The following PRNP variants were observed in gnomAD, a reference collection of about 807,000 sequenced individuals.
The protein encoded by PRNP is major prion protein.
Under a neutral mutation model 21.3 loss-of-function variants are expected in PRNP, and 15 were observed. The ratio of observed to expected loss-of-function variants is 0.71; its 90% CI spans 0.47 to 1.09. The LOEUF (loss-of-function observed/expected upper bound fraction) is 1.09. PRNP is among the 50% of genes least tolerant of loss of function. The probability of loss-of-function intolerance (pLI) is 0.00; values close to 1 mark genes in which losing one functional copy is unlikely to be tolerated. For synonymous variants in PRNP, 121 were observed against 123.1 expected (o/e 0.98, Z 0.11); for missense variants, 285 against 340.9 (o/e 0.84, Z 1.29).
At chr20:4,694,543 T>G (rs1922045941) in intron 1 of PRNP, among the ~76,000 whole-genome samples, 1 of 152,218 alleles carries the variant, frequency 6.6e-6, no homozygotes, top group Non-Finnish European at 1.5e-5. Context: ...TATTTCCCCT[T>G]ATAGAGATAT....
intron 1 of PRNP, among the ~76,000 whole-genome samples, chr20:4,694,236 C>T (rs999604385): frequency 6.6e-6 from 1 of 150,938 alleles, no homozygotes; most frequent in South Asian, 2.1e-4. Flanking sequence ...CATGGTGGCT[C>T]ACACCTGTAA....
Position 4,699,192 on chromosome 20 carries a change from T to C in PRNP, c.-10-19T>C. On this transcript the variant is annotated intron_variant, in intron 1 of 1. Transcript: ENST00000379440. This position sits in a 1 kb window ranked among gnomAD's most constrained non-coding sequence, Gnocchi z 5.8. The stretch of plus-strand genomic sequence containing the variant: ...CAACATAAATATGGGACTCTGACGT[T>C]CTCCTCTTCATTTTGCAGAGCAGTC... 6.2e-7 allele frequency: 1 copy of C among 1,613,406 alleles called. No individual in the cohort carries two copies. Among genetic ancestry groups the C allele is most frequent in the East Asian group, 2.2e-5 (1 of 44,878 alleles).
In PRNP at chr20:4,699,507, A is replaced by C; in HGVS notation, c.287A>C (p.His96Pro). 1 of 1,613,870 alleles carries C rather than the reference A, an allele frequency of 6.2e-7. No homozygotes were observed. Among genetic ancestry groups the C allele is most frequent in the Non-Finnish European group, 8.5e-7 (1 of 1,179,872 alleles). ...GGGWGQGGGT[H>P]SQWNKPSKPK... ...GGCTGGGGTCAAGGAGGTGGCACCCACAGTCAGTGGAACAAGCCGAGTAAG... is the reference window on the plus strand; with the variant it reads ...GGCTGGGGTCAAGGAGGTGGCACCCCCAGTCAGTGGAACAAGCCGAGTAAG... The change falls in exon 2 of 2, where the codon CAC (histidine) becomes CCC (proline). Residue 96 changes from histidine to proline, a missense_variant. Transcript: ENST00000379440. This position sits in a 1 kb window ranked among gnomAD's most constrained non-coding sequence, Gnocchi z 5.8.
At chr20:4,687,054 G>A (rs1921492786) in intron 1 of PRNP, among the ~76,000 whole-genome samples, 1 of 152,048 alleles carries the variant, frequency 6.6e-6, no homozygotes, top group Non-Finnish European at 1.5e-5. Flanking sequence ...GGTGCTTGGG[G>A]GGATGGAGAG....
Position 4,700,033 on chromosome 20 carries a change from G to A in PRNP, c.*51G>A, listed in dbSNP as rs2122231599. The stretch of plus-strand genomic sequence containing the variant: ...TTTCTAATCTTTTTCCAGCTTGAGG[G>A]AGGCGGTATCCACCTGCAGCCCTTT... On this transcript the variant is annotated 3_prime_UTR_variant, in exon 2 of 2. Transcript: ENST00000379440. This position sits in a 1 kb window ranked among gnomAD's most constrained non-coding sequence, Gnocchi z 4.1. 2 of 1,558,266 alleles carry A rather than the reference G, an allele frequency of 1.3e-6. No individual in the cohort carries two copies. The highest frequency in any genetic ancestry group is 1.2e-5 in the South Asian group (1 of 84,654).
At chr20:4,687,153 C>T (rs1421081313) in intron 1 of PRNP, among the ~76,000 whole-genome samples, 1 of 152,178 alleles carries the variant, frequency 6.6e-6, no homozygotes, top group African/African-American at 2.4e-5. Context: ...AGCCCTTCAT[C>T]CTCGCCGCCT....
chr20:4,693,357 C>T (rs1921954509), intron 1 of PRNP, among the ~76,000 whole-genome samples: 1 of 152,120 alleles, frequency 6.6e-6, no homozygotes, highest in African/African-American at 2.4e-5. Flanking sequence ...GTTTTGTAGA[C>T]ATGGGGTTTC....
rs1922237618 is a variant in PRNP at position 4,697,460 on chromosome 20, G to A, written c.-10-1751G>A. 6.6e-6 allele frequency among the ~76,000 whole-genome samples: 1 copy of A among 152,178 alleles called. No homozygotes were observed. Among genetic ancestry groups the A allele is most frequent in the Non-Finnish European group, 1.5e-5 (1 of 68,030 alleles). On this transcript the variant is annotated intron_variant, in intron 1 of 1. Transcript: ENST00000379440. This position sits in a 1 kb window ranked among gnomAD's most constrained non-coding sequence, Gnocchi z 4.6. ...ATAATGAAGCCAGGAAAGGGGGTGGGCTAGGGGGTGCTGTTTTAGGTAGAG... is the reference window on the plus strand; with the variant it reads ...ATAATGAAGCCAGGAAAGGGGGTGGACTAGGGGGTGCTGTTTTAGGTAGAG...
rs150351644 is a variant in PRNP, at chr20:4,699,644, G to A, written c.424G>A (p.Gly142Ser). 7.7e-4 allele frequency: 1,250 copies of A among 1,614,046 alleles called. 12 individuals are homozygous for A. In the African/African-American group the frequency reaches 0.014, roughly 18 times the overall value. Residue 142 changes from glycine to serine, a missense_variant, in exon 2 of 2, where the codon GGC (glycine) becomes AGC (serine). Gly to Ser is a moderately conservative substitution (Grantham distance 56). Transcript: ENST00000379440. The surrounding 1 kb of genome is among the most constrained non-coding windows in gnomAD (Gnocchi z 5.8). ...SAMSRPIIHF[G>S]SDYEDRYYRE... ...CATGAGCAGGCCCATCATACATTTC[G>A]GCAGTGACTATGAGGACCGTTACTA...
chr20:4,695,111 G>A (rs1344649301), intron 1 of PRNP, among the ~76,000 whole-genome samples: 2 of 151,734 alleles, frequency 1.3e-5, no homozygotes, highest in African/African-American at 2.4e-5. Flanking sequence ...CAGCTTTATC[G>A]TGCTGAACAA....
At chr20:4,692,533 C>A (rs149355851) in intron 1 of PRNP, among the ~76,000 whole-genome samples, 176 of 152,282 alleles carry the variant, frequency 1.2e-3, no homozygotes, top group African/African-American at 4.1e-3. Context: ...ATTATGATAT[C>A]TTGGGCTTTG....
chr20:4,699,264 C>T lies in PRNP; in HGVS notation c.44C>T (p.Thr15Ile). The change falls in exon 2 of 2, where the codon ACA becomes ATA. Residue 15 changes from threonine to isoleucine, a missense_variant. Coordinates refer to ENST00000379440, the MANE Select transcript of PRNP (RefSeq NM_000311.5). This position sits in a 1 kb window ranked among gnomAD's most constrained non-coding sequence, Gnocchi z 5.8. The stretch of plus-strand genomic sequence containing the variant: ...TGGATGCTGGTTCTCTTTGTGGCCA[C>T]ATGGAGTGACCTGGGCCTCTGCAAG... ...GCWMLVLFVA[T>I]WSDLGLCKKR... The T allele has an allele frequency of 3.1e-6, 5 of 1,614,040 alleles. No homozygotes were observed. The highest frequency in any genetic ancestry group is 4.2e-6 in the Non-Finnish European group (5 of 1,180,050).
At chr20:4,696,455 C>T (rs899346571) in intron 1 of PRNP, among the ~76,000 whole-genome samples, 16 of 152,176 alleles carry the variant, frequency 1.1e-4, no homozygotes, top group Non-Finnish European at 1.8e-4. Flanking sequence ...CGTTGGTTTT[C>T]GTAGGCTGAC....
In PRNP at chr20:4,700,340, C is replaced by A. The variant is rs886056744; in HGVS notation, c.*358C>A. Reference sequence around the variant, plus strand: ...TACCTTTGCCTGGATACCTCTGGCTCCTTCAGCAGCTAGAGCTCAGTATAC... The same window carrying A: ...TACCTTTGCCTGGATACCTCTGGCTACTTCAGCAGCTAGAGCTCAGTATAC... On this transcript the variant is annotated 3_prime_UTR_variant, in exon 2 of 2. Transcript: ENST00000379440. The surrounding 1 kb of genome is among the most constrained non-coding windows in gnomAD (Gnocchi z 4.1). The A allele has an allele frequency of 2.3e-6, 1 of 435,470 alleles. No individual in the cohort carries two copies. The highest frequency in any genetic ancestry group is 2.0e-5 in the African/African-American group (1 of 49,042). The allele number at this position is 435,470 out of a possible 1,614,324, so 27.0% of individuals were successfully genotyped here.
At chr20:4,687,859 T>A (rs1348890882) in intron 1 of PRNP, among the ~76,000 whole-genome samples, 1 of 152,246 alleles carries the variant, frequency 6.6e-6, no homozygotes. Context: ...TTTACAAATA[T>A]AATTATCAAA....
In PRNP at chr20:4,686,860, G is replaced by T. The variant is rs539962697; in HGVS notation, c.-11+348G>T. The stretch of plus-strand genomic sequence containing the variant: ...CACCCCGCGCGGGTCCGGCCCAGCG[G>T]GCGATCGCTGGCGCCCAGGGAACTC... On this transcript the variant is annotated intron_variant, in intron 1 of 1. Coordinates refer to ENST00000379440, the MANE Select transcript of PRNP (RefSeq NM_000311.5). The surrounding 1 kb of genome is among the most constrained non-coding windows in gnomAD (Gnocchi z 6.7). 356 of 151,732 alleles carry T rather than the reference G, an allele frequency of 2.3e-3. 2 individuals carry two copies. The highest frequency in any genetic ancestry group is 7.9e-3 in the African/African-American group (327 of 41,494). The allele number at this position is 151,732 out of a possible 1,614,324, so 9.4% of individuals were successfully genotyped here.
rs1568534249 is a variant in PRNP at position 4,699,423 on chromosome 20, C to T, written c.203C>T (p.Pro68Leu). The T allele has an allele frequency of 2.5e-6, 4 of 1,612,372 alleles. No individual in the cohort carries two copies. The highest frequency in any genetic ancestry group is 3.4e-6 in the Non-Finnish European group (4 of 1,179,402). ...GQPHGGGWGQ[P>L]HGGGWGQPHG... ...CCTCATGGTGGTGGCTGGGGGCAGC[C>T]TCATGGTGGTGGCTGGGGGCAGCCC... The change falls in exon 2 of 2, where the codon CCT (proline) becomes CTT (leucine). Residue 68 changes from proline (P) to leucine (L), a missense_variant. Transcript: ENST00000379440. This position sits in a 1 kb window ranked among gnomAD's most constrained non-coding sequence, Gnocchi z 5.8.
At chr20:4,698,420 G>A (rs1922306118) in intron 1 of PRNP, among the ~76,000 whole-genome samples, 1 of 152,042 alleles carries the variant, frequency 6.6e-6, no homozygotes, top group African/African-American at 2.4e-5. Flanking sequence ...CAGCTAATTG[G>A]GTGATAAAGG....
In PRNP at chr20:4,695,855, A is replaced by G. The variant is rs1223486055; in HGVS notation, c.-10-3356A>G. ...CTAGAGTTCACTTTTGTATGTAGTTAGGGATCTAGTTTTCTTTTTCTTGTT... is the reference window on the plus strand; with the variant it reads ...CTAGAGTTCACTTTTGTATGTAGTTGGGGATCTAGTTTTCTTTTTCTTGTT... On this transcript the variant is annotated intron_variant, in intron 1 of 1. Transcript: ENST00000379440. Among the ~76,000 whole-genome samples, 3 of 152,192 alleles carry G rather than the reference A, an allele frequency of 2.0e-5. No individual in the cohort carries two copies. In the East Asian group the frequency reaches 5.8e-4, roughly 29 times the overall value.
Sources: gnomAD v4.1 joint callset for allele counts (sites outside exome capture counted in the v4.1 genomes callset) on GRCh38, gnomAD v4.1.1 for gene constraint, Gnocchi (gnomAD v3.1) non-coding constraint, MANE v1.5 for transcripts, NCBI Gene and HGNC (gene_info 2026-07-23, HGNC 2026-07-21) for gene names.